The following HAPLN1 variants were observed in gnomAD, a reference collection of about 807,000 sequenced individuals.
The protein encoded by HAPLN1 is hyaluronan and proteoglycan link protein 1.
A neutral mutation model predicts 36.5 loss-of-function variants in HAPLN1; 13 were observed. That is an observed-to-expected ratio of 0.36 (90% CI 0.23 to 0.57). The LOEUF (loss-of-function observed/expected upper bound fraction) is 0.57. Ranked by LOEUF, HAPLN1 falls within the 20% of genes least tolerant of loss-of-function variation. The pLI, the probability that HAPLN1 is intolerant of heterozygous loss-of-function variation, is 0.83. For synonymous variants in HAPLN1, 202 were observed against 169.8 expected, an observed-to-expected ratio of 1.19 and a Z score of -1.48; for missense variants, 407 against 439.7, an observed-to-expected ratio of 0.93 and a Z score of 0.66.
chr5:83,688,996 T>C (rs1751209012), intron 1 of HAPLN1, among the ~76,000 whole-genome samples: 1 of 152,160 alleles, frequency 6.6e-6, no homozygotes, highest in Non-Finnish European at 1.5e-5. Context: ...TTAAGTACAA[T>C]TCTTAGTACA....
chr5:83,673,831 C>G lies in HAPLN1; in HGVS notation c.-26-282G>C, dbSNP rs540664013. ...ACACTGTAGTTTGGATAGAGAATTA[C>G]AGCAAGTAACAAAGAGATGTGGCAA... On this transcript the variant is annotated intron_variant, in intron 1 of 4. Coordinates refer to ENST00000274341, the MANE Select transcript of HAPLN1 (RefSeq NM_001884.4). 7.8e-4 allele frequency: 212 copies of G among 273,450 alleles called. 1 individual carries two copies. The highest frequency in any genetic ancestry group is 3.5e-3 in the South Asian group (69 of 19,846). 16.9% of individuals were successfully genotyped at this position (273,450 alleles called of 1,614,324 possible).
At chr5:83,685,626 T>A (rs150100215) in intron 1 of HAPLN1, among the ~76,000 whole-genome samples, 1 of 152,344 alleles carries the variant, frequency 6.6e-6, no homozygotes, top group East Asian at 1.9e-4. Context: ...ATTTTATTAG[T>A]CTTTATACTC....
intron 1 of HAPLN1, among the ~76,000 whole-genome samples, chr5:83,697,410 A>G (rs908433602): frequency 6.6e-6 from 1 of 152,138 alleles, no homozygotes; most frequent in Non-Finnish European, 1.5e-5. Flanking sequence ...TTCCACCTAT[A>G]TAGATACCAC....
At chr5:83,642,317 C>A (rs1369868360) in intron 4 of HAPLN1, among the ~76,000 whole-genome samples, 2 of 152,146 alleles carry the variant, frequency 1.3e-5, no homozygotes, top group African/African-American at 2.4e-5. Flanking sequence ...TATGAAAATG[C>A]GTAAAATACA....
chr5:83,700,580 T>C (rs72772930), intron 1 of HAPLN1, among the ~76,000 whole-genome samples: 4,741 of 152,156 alleles, frequency 0.031, 285 homozygotes, highest in East Asian at 0.3. Flanking sequence ...CACATTTTGT[T>C]TTATACCAAT....
chr5:83,698,396 T>C (rs554686027), intron 1 of HAPLN1, among the ~76,000 whole-genome samples: 4 of 152,308 alleles, frequency 2.6e-5, no homozygotes, highest in Admixed American at 2.6e-4. Flanking sequence ...CTATCGATTT[T>C]TAAAAACTCT....
chr5:83,643,770 C>A (rs778564782), intron 4 of HAPLN1, among the ~76,000 whole-genome samples: 1 of 152,152 alleles, frequency 6.6e-6, no homozygotes, highest in South Asian at 2.1e-4. Context: ...CATTTTACAC[C>A]GGGCTGCACA....
At chr5:83,654,646 T>A (rs1008710553) in intron 2 of HAPLN1, among the ~76,000 whole-genome samples, 2 of 152,226 alleles carry the variant, frequency 1.3e-5, no homozygotes, top group African/African-American at 4.8e-5. Flanking sequence ...GGCCTTCCCA[T>A]ACTGAAACAT....
At chr5:83,714,724 C>T (rs901363167) in intron 1 of HAPLN1, among the ~76,000 whole-genome samples, 2 of 152,182 alleles carry the variant, frequency 1.3e-5, no homozygotes, top group Non-Finnish European at 2.9e-5. Context: ...TATGTGGATT[C>T]TCACTGCTCC....
At chr5:83,672,823 T>C (rs1365675351) in intron 2 of HAPLN1, among the ~76,000 whole-genome samples, 1 of 152,200 alleles carries the variant, frequency 6.6e-6, no homozygotes, top group Non-Finnish European at 1.5e-5. Context: ...ATGTCCCTCA[T>C]CTGAAGCTGG....
At chr5:83,665,878 T>C (rs560138547) in intron 2 of HAPLN1, among the ~76,000 whole-genome samples, 1 of 152,320 alleles carries the variant, frequency 6.6e-6, no homozygotes, top group Admixed American at 6.5e-5. Context: ...GTAACCAACA[T>C]GTTGAATTAA....
intron 2 of HAPLN1, among the ~76,000 whole-genome samples, chr5:83,657,860 T>C (rs945932637): frequency 2.0e-5 from 3 of 151,030 alleles, no homozygotes; most frequent in African/African-American, 7.3e-5. Flanking sequence ...AATAAGAACA[T>C]TAAAAATAAT....
At chr5:83,710,357 A>G (rs748469190) in intron 1 of HAPLN1, among the ~76,000 whole-genome samples, 1 of 152,190 alleles carries the variant, frequency 6.6e-6, no homozygotes, top group Non-Finnish European at 1.5e-5. Context: ...CACAAAGCCC[A>G]AGGTAGAGAT....
chr5:83,703,110 T>G (rs1162901367), intron 1 of HAPLN1, among the ~76,000 whole-genome samples: 1 of 152,214 alleles, frequency 6.6e-6, no homozygotes, highest in Non-Finnish European at 1.5e-5. Flanking sequence ...TGTGACTTGT[T>G]GGACAGCCAC....
At chr5:83,702,871 T>C (rs1751543121) in intron 1 of HAPLN1, among the ~76,000 whole-genome samples, 1 of 152,074 alleles carries the variant, frequency 6.6e-6, no homozygotes. Context: ...ACTACCACAC[T>C]TGACTAATTT....
At chr5:83,714,920 C>T (rs1751883814) in intron 1 of HAPLN1, among the ~76,000 whole-genome samples, 1 of 152,220 alleles carries the variant, frequency 6.6e-6, no homozygotes, top group Non-Finnish European at 1.5e-5. Flanking sequence ...GTTGGATGCC[C>T]CTTGGGGCAA....
chr5:83,706,997 G>T (rs1751667844), intron 1 of HAPLN1, among the ~76,000 whole-genome samples: 1 of 152,072 alleles, frequency 6.6e-6, no homozygotes, highest in African/African-American at 2.4e-5. Context: ...AAAGAACAAA[G>T]TACCTAGGAA....
At chr5:83,692,573 C>T (rs576246773) in intron 1 of HAPLN1, among the ~76,000 whole-genome samples, 1 of 151,864 alleles carries the variant, frequency 6.6e-6, no homozygotes, top group South Asian at 2.1e-4. Context: ...CTTTGTTAGA[C>T]ATACAAAGCT....
intron 1 of HAPLN1, among the ~76,000 whole-genome samples, chr5:83,687,984 A>T (rs1751172739): frequency 6.6e-6 from 1 of 152,178 alleles, no homozygotes; most frequent in Admixed American, 6.6e-5. Context: ...ATGTGGGATG[A>T]GGTAAATTTG....
Sources: gnomAD v4.1 joint callset for allele counts (sites outside exome capture counted in the v4.1 genomes callset) on GRCh38, gnomAD v4.1.1 for gene constraint, MANE v1.5 for transcripts, NCBI Gene and HGNC (gene_info 2026-07-23, HGNC 2026-07-21) for gene names.